The following DYSF variants were observed in gnomAD, a reference collection of about 807,000 sequenced individuals.
The protein encoded by DYSF is dystrophy-associated fer-1-like 1.
A neutral mutation model predicts 274.9 loss-of-function variants in DYSF; 212 were observed. That is an observed-to-expected ratio of 0.77 (90% CI 0.69 to 0.86). DYSF has a LOEUF of 0.86. Ranked by LOEUF, DYSF falls within the 40% of genes least tolerant of loss-of-function variation. DYSF has a pLI of 0.00. For synonymous variants in DYSF, 1,091 were observed against 1,078.7 expected, an observed-to-expected ratio of 1.01 and a Z score of -0.22; for missense variants, 2,666 against 2,783.2, an observed-to-expected ratio of 0.96 and a Z score of 0.95.
chr2:71,653,576 C>T (rs528648505), intron 42 of DYSF, among the ~76,000 whole-genome samples: 3,503 of 147,828 alleles, frequency 0.024, 60 homozygotes, highest in Non-Finnish European at 0.034. Flanking sequence ...AACCAAACAC[C>T]GCATGTTCTC....
chr2:71,500,551 G>A (rs571888023), intron 3 of DYSF, among the ~76,000 whole-genome samples: 2 of 152,242 alleles, frequency 1.3e-5, no homozygotes, highest in Non-Finnish European at 2.9e-5. Flanking sequence ...GGCTGGCAGG[G>A]GTGGGGGTGC....
chr2:71,514,398 C>CT (rs200723586), intron 7 of DYSF, among the ~76,000 whole-genome samples: 6 of 151,944 alleles, frequency 3.9e-5, no homozygotes, highest in Admixed American at 6.6e-5. Context: ...TGTCTAACAT[C>CT]TTTTTTTTCT....
chr2:71,574,573 G>T (rs907146567), intron 30 of DYSF, among the ~76,000 whole-genome samples: 2 of 152,200 alleles, frequency 1.3e-5, no homozygotes, highest in African/African-American at 2.4e-5. Context: ...AAATGAAAAA[G>T]CTCCTTCCTT....
At chr2:71,643,141 C>T (rs536359019) in intron 41 of DYSF, among the ~76,000 whole-genome samples, 36 of 152,116 alleles carry the variant, frequency 2.4e-4, no homozygotes, top group Non-Finnish European at 4.7e-4. Context: ...CCCCACCTGC[C>T]GAGACAGGAC....
At chr2:71,474,956 C>T (rs138576743) in intron 1 of DYSF, among the ~76,000 whole-genome samples, 3 of 152,270 alleles carry the variant, frequency 2.0e-5, no homozygotes, top group Non-Finnish European at 4.4e-5. Flanking sequence ...GAAGTGGACA[C>T]GTAGCTTGCA....
chr2:71,626,306 C>G (rs1323002847), intron 41 of DYSF, among the ~76,000 whole-genome samples: 2 of 112,642 alleles, frequency 1.8e-5, no homozygotes, highest in Non-Finnish European at 4.0e-5. Context: ...TACTAGTTAG[C>G]TGTTTTTTTT....
At chr2:71,567,197 C>T (rs1370156053) in intron 24 of DYSF, among the ~76,000 whole-genome samples, 1 of 152,160 alleles carries the variant, frequency 6.6e-6, no homozygotes, top group East Asian at 1.9e-4. Flanking sequence ...GTGGTTATTC[C>T]ATTTGGCAGA....
chr2:71,638,730 C>T (rs2094444330), intron 41 of DYSF, among the ~76,000 whole-genome samples: 1 of 152,178 alleles, frequency 6.6e-6, no homozygotes, highest in Non-Finnish European at 1.5e-5. Context: ...ATCCACGCAT[C>T]AGTTGATTCA....
At chr2:71,571,293 G>A (rs2092420658) in intron 29 of DYSF, among the ~76,000 whole-genome samples, 1 of 129,334 alleles carries the variant, frequency 7.7e-6, no homozygotes, top group African/African-American at 3.0e-5. Context: ...TTCACACCTA[G>A]CACACACAGA....
In DYSF at chr2:71,515,906, C is replaced by A. The variant is rs533629565; in HGVS notation, c.888+155C>A. ...GCTCCCAAGGAGGTTATCTGTGGGA[C>A]TGGAGAAAGGGCTCCTGCTCTTACT... On this transcript the variant is annotated intron_variant, in intron 8 of 55. Coordinates refer to ENST00000410020, the MANE Select transcript of DYSF (RefSeq NM_001130987.2). Among the ~76,000 whole-genome samples, 3 of 152,222 alleles carry A rather than the reference C, an allele frequency of 2.0e-5. No homozygotes were observed. The East Asian group carries it at 5.8e-4, about 29-fold the overall frequency.
intron 17 of DYSF, among the ~76,000 whole-genome samples, chr2:71,542,518 G>C (rs999803044): frequency 1.3e-5 from 2 of 152,048 alleles, no homozygotes; most frequent in East Asian, 1.9e-4. Context: ...GAGGACCCTG[G>C]GGCCTTCCGC....
At chr2:71,533,283 G>A (rs1216803230) in intron 14 of DYSF, among the ~76,000 whole-genome samples, 1 of 152,188 alleles carries the variant, frequency 6.6e-6, no homozygotes, top group Non-Finnish European at 1.5e-5. Flanking sequence ...GGCTCCCAAA[G>A]TGCTGGGATT....
chr2:71,603,945 C>T (rs2093601976), intron 36 of DYSF, among the ~76,000 whole-genome samples: 2 of 152,202 alleles, frequency 1.3e-5, no homozygotes, highest in Admixed American at 1.3e-4. Context: ...GCAGTCTCGT[C>T]AGAAAGCAAA....
intron 30 of DYSF, among the ~76,000 whole-genome samples, chr2:71,582,871 A>T (rs1462917671): frequency 1.3e-5 from 2 of 152,108 alleles, no homozygotes; most frequent in East Asian, 3.9e-4. Context: ...AGATAACGGG[A>T]AAAGGTAGTA....
intron 28 of DYSF, 125 bp downstream of exon 28, chr2:71,570,459 C>T: frequency 1.4e-6 from 2 of 1,389,566 alleles, no homozygotes; most frequent in Non-Finnish European, 2.0e-6. Flanking sequence ...CTTGAAGGCA[C>T]CCCCCACTCC....
intron 40 of DYSF, among the ~76,000 whole-genome samples, chr2:71,618,535 GGTGT>G (rs1361653334): frequency 2.8e-5 from 3 of 105,858 alleles, no homozygotes; most frequent in African/African-American, 9.4e-5. Flanking sequence ...GTAGAGGTGG[GGTGT>G]GTGTGTGTGG....
chr2:71,645,510 C>T (rs1234676313), intron 42 of DYSF, among the ~76,000 whole-genome samples: 1 of 151,698 alleles, frequency 6.6e-6, no homozygotes, highest in Non-Finnish European at 1.5e-5. Flanking sequence ...CTCTCGATGT[C>T]CAGCAACTTG....
intron 3 of DYSF, among the ~76,000 whole-genome samples, chr2:71,483,064 A>C (rs1296690452): frequency 9.9e-5 from 15 of 152,086 alleles, no homozygotes; most frequent in Admixed American, 9.2e-4. Context: ...GGAAAATTTG[A>C]AATGTTAAAA....
At chr2:71,481,299 C>T (rs550320325) in intron 2 of DYSF, among the ~76,000 whole-genome samples, 2 of 152,340 alleles carry the variant, frequency 1.3e-5, no homozygotes, top group Non-Finnish European at 2.9e-5. Context: ...CCTGATGAGG[C>T]AGGTCCTCCT....
Sources: allele counts gnomAD v4.1 joint callset (sites outside exome capture counted in the v4.1 genomes callset), GRCh38; gene constraint gnomAD v4.1.1; transcripts MANE v1.5; gene names NCBI Gene and HGNC (gene_info 2026-07-23, HGNC 2026-07-21).